The following MDFI variants were observed in gnomAD, a reference collection of about 807,000 sequenced individuals.
MDFI encodes the protein inhibitor of MyoD family a.
Under a neutral mutation model 22.3 loss-of-function variants are expected in MDFI, and 16 were observed. The ratio of observed to expected loss-of-function variants is 0.72; its 90% confidence interval spans 0.49 to 1.09. MDFI has a LOEUF of 1.09. Among genes scored for constraint, MDFI ranks in the 50% least tolerant of loss-of-function variants. The probability of loss-of-function intolerance (pLI) is 0.00; values close to 1 mark genes in which losing one functional copy is unlikely to be tolerated. For missense variants in MDFI, 314 were observed against 326.1 expected (o/e 0.96, Z 0.29); for synonymous variants, 145 against 142.7 (o/e 1.02, Z -0.12).
chr6:41,647,016 T>C (rs1342798878), intron 3 of MDFI, among the ~76,000 whole-genome samples: 6 of 151,898 alleles, frequency 4.0e-5, no homozygotes, highest in African/African-American at 1.5e-4. Context: ...GAAACTCAGG[T>C]CTCCCGGCCC....
chr6:41,639,064 A>G (rs527855188), intron 2 of MDFI, among the ~76,000 whole-genome samples: 5 of 150,964 alleles, frequency 3.3e-5, no homozygotes, highest in Admixed American at 3.3e-4. Flanking sequence ...ACTCCCCGCA[A>G]CTCCCGACAC....
intron 2 of MDFI, among the ~76,000 whole-genome samples, chr6:41,643,153 C>T (rs902587724): frequency 2.0e-5 from 3 of 152,146 alleles, no homozygotes; most frequent in Non-Finnish European, 2.9e-5. Context: ...AACACCACCC[C>T]GCAGCATGTG....
At chr6:41,646,911 C>G (rs1310674430) in intron 3 of MDFI, among the ~76,000 whole-genome samples, 1 of 152,224 alleles carries the variant, frequency 6.6e-6, no homozygotes, top group Non-Finnish European at 1.5e-5. Context: ...CTCTCCTAAT[C>G]AGCCTGCAAT....
intron 3 of MDFI, among the ~76,000 whole-genome samples, chr6:41,648,042 C>CAAAAA (rs3050046): frequency 7.6e-5 from 5 of 65,546 alleles, no homozygotes; most frequent in Non-Finnish European, 1.1e-4. Flanking sequence ...GACTCCGTCT[C>CAAAAA]AAAAAAAAAA....
intron 2 of MDFI, among the ~76,000 whole-genome samples, chr6:41,645,455 G>T (rs1195276738): frequency 6.6e-6 from 1 of 151,962 alleles, no homozygotes; most frequent in African/African-American, 2.4e-5. Context: ...CCTCCTGACT[G>T]TAGCCCCTCC....
chr6:41,641,062 A>G (rs1301266196), intron 2 of MDFI, among the ~76,000 whole-genome samples: 1 of 152,208 alleles, frequency 6.6e-6, no homozygotes, highest in Non-Finnish European at 1.5e-5. Context: ...CCATGTGTGC[A>G]TCAAAGGAGT....
At position 41,653,641 on chromosome 6, in the gene MDFI, G is replaced by A. The variant is rs1056173804; in HGVS notation, c.*66G>A. 1.5e-5 allele frequency: 23 copies of A among 1,577,770 alleles called. No homozygotes were observed. The highest frequency in any genetic ancestry group is 8.4e-5 in the Admixed American group (5 of 59,288). Reference sequence around the variant, plus strand: ...TTCCAGCAGGGTCCCTCTGAGTGGGGCCAGGCCCAGGACTGTCACACAAGG... The same window carrying A: ...TTCCAGCAGGGTCCCTCTGAGTGGGACCAGGCCCAGGACTGTCACACAAGG... On this transcript the variant is annotated 3_prime_UTR_variant, in exon 5 of 5. Coordinates refer to ENST00000230321, the MANE Select transcript of MDFI (RefSeq NM_005586.4). The surrounding 1 kb of genome is among the most constrained non-coding windows in gnomAD (Gnocchi z 4.2).
intron 3 of MDFI, among the ~76,000 whole-genome samples, chr6:41,647,749 C>T (rs1259036584): frequency 2.0e-5 from 3 of 152,084 alleles, no homozygotes; most frequent in Non-Finnish European, 2.9e-5. Flanking sequence ...AGATCTATTG[C>T]GATGCCTAAA....
Position 41,649,636 on chromosome 6 carries a change from C to G in MDFI, c.277C>G (p.Pro93Ala), listed in dbSNP as rs746758586. Residue 93 changes from proline (P) to alanine (A), a missense_variant, in exon 4 of 5, where the codon CCC (proline) becomes GCC (alanine). Pro to Ala is a conservative substitution (Grantham distance 27). Coordinates refer to ENST00000230321, the MANE Select transcript of MDFI (RefSeq NM_005586.4). The part of the protein sequence containing the change: ...EAVTCQPQGN[P>A]LGCTPLLPND... ...CTCTCCAGGCCAGCCTCAGGGGAAC[C>G]CCTTGGGCTGCACCCCACTTCTGCC... 1.2e-6 allele frequency: 2 copies of G among 1,608,648 alleles called. No individual in the cohort carries two copies. Among genetic ancestry groups the G allele is most frequent in the Non-Finnish European group, 8.5e-7 (1 of 1,176,832 alleles).
chr6:41,653,397 C>G lies in MDFI; in HGVS notation c.563C>G (p.Thr188Ser), dbSNP rs1270253971. 1.2e-6 allele frequency: 2 copies of G among 1,610,968 alleles called. No homozygotes were observed. Among genetic ancestry groups the G allele is most frequent in the Non-Finnish European group, 8.5e-7 (1 of 1,179,996 alleles). The part of the protein sequence containing the change: ...TLCNIVLDCA[T>S]CGSCSSEDSC... ...TGCAACATCGTCCTGGACTGCGCCA[C>G]CTGTGGCTCCTGCAGCTCGGAGGAC... The change falls in exon 5 of 5, where the codon ACC (threonine) becomes AGC (serine). Residue 188 changes from threonine to serine, a missense_variant. Physicochemically the swap from Thr to Ser is moderately conservative, Grantham distance 58 (BLOSUM62 1). Transcript: ENST00000230321. The surrounding 1 kb of genome is among the most constrained non-coding windows in gnomAD (Gnocchi z 4.2).
intron 4 of MDFI, 59 bp downstream of exon 4, chr6:41,649,902 A>G (rs1364001735): frequency 2.0e-6 from 3 of 1,490,138 alleles, no homozygotes; most frequent in African/African-American, 1.4e-5. Flanking sequence ...TCCTCGAAGC[A>G]TGACGCATGG....
chr6:41,638,868 G>A lies in MDFI; in HGVS notation c.76+43G>A. On this transcript the variant is annotated intron_variant, in intron 2 of 4. Transcript: ENST00000230321. The surrounding 1 kb of genome is among the most constrained non-coding windows in gnomAD (Gnocchi z 7.6). ...GAGCGAAGCTGGACAGGGGCGGGTG[G>A]GCGGCTGAAGGGGCCAGTTATTAGT... 6.6e-7 allele frequency: 1 copy of A among 1,514,260 alleles called. No individual in the cohort carries two copies. The highest frequency in any genetic ancestry group is 8.8e-7 in the Non-Finnish European group (1 of 1,132,944). 93.8% of individuals were successfully genotyped at this position (1,514,260 alleles called of 1,614,324 possible). A position where few individuals can be genotyped will look rare whatever the true frequency, so the allele number is the denominator to read the frequency against.
chr6:41,646,382 G>A (rs754832802), intron 3 of MDFI, 74 bp downstream of exon 3: 287 of 1,291,556 alleles, frequency 2.2e-4, no homozygotes, highest in Admixed American at 1.4e-4. Flanking sequence ...CAAATGGGTC[G>A]GCAAAAATGG....
intron 2 of MDFI, chr6:41,639,370 C>G (rs1348958026): frequency 2.0e-6 from 2 of 985,258 alleles, no homozygotes; most frequent in East Asian, 2.3e-4. Flanking sequence ...CCAGTCCCCG[C>G]CGCCCCTGCC....
Position 41,638,888 on chromosome 6 carries a change from ATTAG to A in MDFI, c.76+66_76+69del. The A allele has an allele frequency of 6.8e-7, 1 of 1,472,210 alleles. No homozygotes were observed. Among genetic ancestry groups the A allele is most frequent in the Non-Finnish European group, 9.1e-7 (1 of 1,100,178 alleles). 91.2% of individuals were successfully genotyped at this position (1,472,210 alleles called of 1,614,324 possible). ...GGGTGGGCGGCTGAAGGGGCCAGTTATTAGTTCTCCTCTCCGTCCCCAGACGCGG... is the reference window on the plus strand; with the variant it reads ...GGGTGGGCGGCTGAAGGGGCCAGTTATTCTCCTCTCCGTCCCCAGACGCGG... On this transcript the variant is annotated intron_variant, in intron 2 of 4. Transcript: ENST00000230321. The surrounding 1 kb of genome is among the most constrained non-coding windows in gnomAD (Gnocchi z 7.6).
chr6:41,638,674 G>C lies in MDFI; in HGVS notation c.-12+22G>C. ...ACGAGTGAGTGGACGTGGGAGGCGC[G>C]CATCTGCGGGGGAATCGCCCCTTGC... is the stretch of plus-strand genomic sequence containing the variant. On this transcript the variant is annotated intron_variant, in intron 1 of 4. Coordinates refer to ENST00000230321, the MANE Select transcript of MDFI (RefSeq NM_005586.4). The surrounding 1 kb of genome is among the most constrained non-coding windows in gnomAD (Gnocchi z 7.6). 2.1e-6 allele frequency: 3 copies of C among 1,448,334 alleles called. No individual in the cohort carries two copies. Among genetic ancestry groups the C allele is most frequent in the Non-Finnish European group, 2.8e-6 (3 of 1,068,768 alleles). The allele number at this position is 1,448,334 out of a possible 1,614,324, so 89.7% of individuals were successfully genotyped here.
At chr6:41,639,822 C>A (rs1767781868) in intron 2 of MDFI, 1 of 985,350 alleles carries the variant, frequency 1.0e-6, no homozygotes, top group African/African-American at 1.7e-5. Flanking sequence ...TTGCCTTGGA[C>A]AAGCTCCTTC....
rs199500445 is a variant in MDFI at position 41,646,290 on chromosome 6, C to T, written c.241C>T (p.Pro81Ser). The T allele has an allele frequency of 6.9e-6, 10 of 1,448,132 alleles. No individual in the cohort carries two copies. The highest frequency in any genetic ancestry group is 1.5e-5 in the African/African-American group (1 of 68,158). 89.7% of individuals were successfully genotyped at this position (1,448,132 alleles called of 1,614,324 possible). ...CCTGGACAGCACTGACCTCGACGTC[C>T]CCACAGAAGCTGTGACATGTGAGTC... Reference protein sequence around the residue: ...QGLDSTDLDVPTEAVTCQPQG... With the variant: ...QGLDSTDLDVSTEAVTCQPQG... The change falls in exon 3 of 5, where the codon CCC (proline) becomes TCC (serine). Residue 81 changes from proline to serine, a missense_variant. Transcript: ENST00000230321.
At chr6:41,644,455 G>T (rs1479472973) in intron 2 of MDFI, among the ~76,000 whole-genome samples, 2 of 152,128 alleles carry the variant, frequency 1.3e-5, no homozygotes, top group African/African-American at 2.4e-5. Context: ...GCCGCCCTCT[G>T]TGCTTCCCAC....
Sources: allele counts gnomAD v4.1 joint callset (sites outside exome capture counted in the v4.1 genomes callset), GRCh38; gene constraint gnomAD v4.1.1; non-coding constraint Gnocchi (gnomAD v3.1); transcripts MANE v1.5; gene names NCBI Gene and HGNC (gene_info 2026-07-23, HGNC 2026-07-21).